SDK1: variants seen among roughly 807,000 people sequenced by gnomAD.
The protein encoded by SDK1 is protein sidekick-1.
A neutral mutation model predicts 245.5 loss-of-function variants in SDK1; 157 were observed. The observed-to-expected ratio is 0.64, with a 90% CI of 0.56 to 0.73. The LOEUF is 0.73. SDK1 is among the 30% of genes least tolerant of loss of function. The pLI is 0.00. For synonymous variants in SDK1, 1,647 were observed against 1,278.5 expected, an observed-to-expected ratio of 1.29 and a Z score of -6.15; for missense variants, 3,583 against 3,002.3, an observed-to-expected ratio of 1.19 and a Z score of -4.52.
At chr7:3,944,871 C>T (rs576151543) in intron 5 of SDK1, among the ~76,000 whole-genome samples, 1 of 152,296 alleles carries the variant, frequency 6.6e-6, no homozygotes, top group African/African-American at 2.4e-5. Flanking sequence ...GGGAGAGGGC[C>T]TGAGCCTGAG....
chr7:3,919,532 C>T (rs17262757), intron 5 of SDK1, among the ~76,000 whole-genome samples: 7,493 of 152,274 alleles, frequency 0.049, 245 homozygotes, highest in Middle Eastern at 0.11. Flanking sequence ...TGAAAGAGCA[C>T]CCTCCCTGGT....
chr7:3,786,998 C>G (rs1360346607), intron 4 of SDK1, among the ~76,000 whole-genome samples: 1 of 152,036 alleles, frequency 6.6e-6, no homozygotes, highest in East Asian at 1.9e-4. Flanking sequence ...CTCTGACAAG[C>G]AGAATTGATA....
intron 4 of SDK1, among the ~76,000 whole-genome samples, chr7:3,819,472 G>A (rs1029228315): frequency 6.7e-6 from 1 of 149,598 alleles, no homozygotes; most frequent in Non-Finnish European, 1.5e-5. Flanking sequence ...GTAAAAATCA[G>A]ATGTCAAAGA....
At chr7:3,684,486 C>A (rs148138025) in intron 4 of SDK1, among the ~76,000 whole-genome samples, 1 of 152,182 alleles carries the variant, frequency 6.6e-6, no homozygotes, top group Admixed American at 6.5e-5. Context: ...CATACCCAGC[C>A]GGCCTTTATG....
At chr7:3,857,955 T>G (rs986542369) in intron 5 of SDK1, among the ~76,000 whole-genome samples, 1 of 152,060 alleles carries the variant, frequency 6.6e-6, no homozygotes, top group Non-Finnish European at 1.5e-5. Context: ...GAACAAATAG[T>G]GTGATATACC....
At chr7:4,095,185 C>T (rs893867216) in intron 22 of SDK1, among the ~76,000 whole-genome samples, 27 of 147,704 alleles carry the variant, frequency 1.8e-4, no homozygotes, top group African/African-American at 6.7e-4. Context: ...TTCCTCAGCT[C>T]CCCCACATCT....
chr7:3,842,228 C>A (rs1341215930), intron 5 of SDK1, among the ~76,000 whole-genome samples: 1 of 152,244 alleles, frequency 6.6e-6, no homozygotes, highest in Admixed American at 6.5e-5. Context: ...ACCATCCCCA[C>A]TGGCCCAGTT....
chr7:4,236,676 C>T (rs1786187432), intron 41 of SDK1, among the ~76,000 whole-genome samples: 4 of 151,938 alleles, frequency 2.6e-5, no homozygotes, highest in Non-Finnish European at 4.4e-5. Context: ...GGGGGGACAA[C>T]TGATTTCTAT....
At chr7:3,970,949 C>T (rs557304303) in intron 11 of SDK1, among the ~76,000 whole-genome samples, 4 of 152,270 alleles carry the variant, frequency 2.6e-5, no homozygotes, top group South Asian at 2.1e-4. Context: ...GTCCCCATCC[C>T]GTACTGGCTT....
At chr7:3,339,504 G>A (rs1780289136) in intron 1 of SDK1, among the ~76,000 whole-genome samples, 2 of 151,954 alleles carry the variant, frequency 1.3e-5, no homozygotes, top group South Asian at 4.1e-4. Context: ...GTGCCCATGG[G>A]ACATCATAGA....
At position 4,141,902 on chromosome 7, in the gene SDK1, A is replaced by G. The variant is rs965623814; in HGVS notation, c.4229-3820A>G. On this transcript the variant is annotated intron_variant, in intron 28 of 44. Transcript: ENST00000404826. Reference sequence around the variant, plus strand: ...CTCCCGAGCAGTTGGCATTACAGGCACCTGCCACCATGCCTGGCTAATTTT... The same window carrying G: ...CTCCCGAGCAGTTGGCATTACAGGCGCCTGCCACCATGCCTGGCTAATTTT... Among the ~76,000 whole-genome samples the G allele has an allele frequency of 3.3e-5, 5 of 151,874 alleles. No homozygotes were observed. The East Asian group carries it at 9.7e-4, about 30-fold the overall frequency.
chr7:3,326,643 A>G (rs1779947728), intron 1 of SDK1, among the ~76,000 whole-genome samples: 1 of 151,778 alleles, frequency 6.6e-6, no homozygotes. Flanking sequence ...TCTCACCAAC[A>G]CTGCTTTCTA....
chr7:3,766,088 G>T (rs559492045), intron 4 of SDK1, among the ~76,000 whole-genome samples: 53 of 152,196 alleles, frequency 3.5e-4, no homozygotes, highest in South Asian at 2.7e-3. Context: ...GACATTTCTG[G>T]CCGGTTGACC....
At chr7:3,909,148 G>A (rs564798276) in intron 5 of SDK1, among the ~76,000 whole-genome samples, 1 of 152,234 alleles carries the variant, frequency 6.6e-6, no homozygotes, top group Non-Finnish European at 1.5e-5. Context: ...GCATAAGTCA[G>A]AGAAGGGTCC....
In SDK1 at chr7:4,210,018, C is replaced by G. The variant is rs1784430146; in HGVS notation, c.5402-7C>G. On this transcript the variant is annotated splice_polypyrimidine_tract_variant and splice_region_variant and intron_variant, in intron 37 of 44. Coordinates refer to ENST00000404826, the MANE Select transcript of SDK1 (RefSeq NM_152744.4). ...TGTAAAAGTCACTTTGTGTTCTATT[C>G]TCCCAGCCCCTGGGGCCCCCAGCTT... is the stretch of plus-strand genomic sequence containing the variant. 1.9e-6 allele frequency: 3 copies of G among 1,569,588 alleles called. No individual in the cohort carries two copies. Among genetic ancestry groups the G allele is most frequent in the Non-Finnish European group, 8.6e-7 (1 of 1,159,608 alleles).
At chr7:3,624,498 C>T (rs1583240550) in intron 2 of SDK1, among the ~76,000 whole-genome samples, 2 of 151,996 alleles carry the variant, frequency 1.3e-5, no homozygotes. Flanking sequence ...CACACCTGGC[C>T]TGGATATTTT....
intron 1 of SDK1, among the ~76,000 whole-genome samples, chr7:3,337,155 C>T (rs374539898): frequency 6.6e-6 from 1 of 152,120 alleles, no homozygotes; most frequent in Non-Finnish European, 1.5e-5. Context: ...AATGTTTCAA[C>T]AAGCTATTAC....
At chr7:3,322,122 C>G (rs1345092971) in intron 1 of SDK1, among the ~76,000 whole-genome samples, 1 of 151,342 alleles carries the variant, frequency 6.6e-6, no homozygotes, top group South Asian at 2.1e-4. Flanking sequence ...ACCTCTAGTT[C>G]CGGGACAGTT....
chr7:3,457,801 T>C (rs963053800), intron 1 of SDK1, among the ~76,000 whole-genome samples: 8 of 152,198 alleles, frequency 5.3e-5, no homozygotes, highest in Admixed American at 4.6e-4. Flanking sequence ...TCCTTTGTTG[T>C]TACCCTGATT....
Sources: allele counts gnomAD v4.1 joint callset (sites outside exome capture counted in the v4.1 genomes callset), GRCh38; gene constraint gnomAD v4.1.1; transcripts MANE v1.5; gene names NCBI Gene and HGNC (gene_info 2026-07-23, HGNC 2026-07-21).